Variants in NPHS1 observed in about 807,000 individuals in gnomAD.
NPHS1 encodes the protein nephrin.
A neutral mutation model predicts 139.7 loss-of-function variants in NPHS1; 107 were observed. The observed-to-expected ratio is 0.77, with a 90% CI of 0.66 to 0.90. NPHS1 has a LOEUF of 0.90. Ranked by LOEUF, NPHS1 falls within the 40% of genes least tolerant of loss-of-function variation. NPHS1 has a pLI of 0.00. For synonymous variants in NPHS1, 707 were observed against 706.6 expected, an observed-to-expected ratio of 1.00 and a Z score of -0.01; for missense variants, 1,580 against 1,654.2, an observed-to-expected ratio of 0.96 and a Z score of 0.78.
chr19:35,828,101 T>A (rs142756766), intron 28 of NPHS1, among the ~76,000 whole-genome samples: 1 of 151,626 alleles, frequency 6.6e-6, no homozygotes, highest in African/African-American at 2.4e-5. Context: ...AAAAAGAACA[T>A]GAATGGTAGC....
At position 35,851,515 on chromosome 19, in the gene NPHS1, G is replaced by T. The variant is rs764300734; in HGVS notation, c.216C>A (p.Gly72=). ...VQWAKDGLLL[G]PDPRIPGFPR... is the part of the protein sequence containing the mutation. ...GGAAGCCTGGGATCCTGGGGTCGGG[G>T]CCCAGGAGCAGCCCATCTTTGGCCC... Residue 72 remains glycine, a synonymous_variant, in exon 2 of 29, where the codon GGC becomes GGA. Transcript: ENST00000378910. 11 of 1,613,612 alleles carry T rather than the reference G, an allele frequency of 6.8e-6. No homozygotes were observed. The highest frequency in any genetic ancestry group is 4.0e-5 in the African/African-American group (3 of 74,920).
intron 19 of NPHS1, 86 bp downstream of exon 19, chr19:35,842,038 C>T: frequency 6.7e-7 from 1 of 1,494,196 alleles, no homozygotes; most frequent in African/African-American, 1.4e-5. Context: ...ATTCGTCTTC[C>T]TTCTCTGCAG....
chr19:35,843,176 A>T (rs546102511), intron 17 of NPHS1, among the ~76,000 whole-genome samples: 2 of 151,880 alleles, frequency 1.3e-5, no homozygotes, highest in South Asian at 4.2e-4. Context: ...CCATTTATCC[A>T]TCCTTTCACT....
chr19:35,848,330 A>G lies in NPHS1; in HGVS notation c.1238T>C (p.Leu413Pro), dbSNP rs1973174651. The G allele has an allele frequency of 3.1e-6, 5 of 1,614,054 alleles. No homozygotes were observed. The highest frequency in any genetic ancestry group is 4.2e-6 in the Non-Finnish European group (5 of 1,180,036). ...TFLARREDNG[L>P]TLTCEAFSEA... is the part of the protein sequence containing the mutation. ...ACTGAAGGCCTCACATGTGAGGGTCAGACCGTTGTCCTCCCGCCGCGCCAG... is the reference window on the plus strand; with the variant it reads ...ACTGAAGGCCTCACATGTGAGGGTCGGACCGTTGTCCTCCCGCCGCGCCAG... Residue 413 changes from leucine to proline, a missense_variant, in exon 10 of 29, where the codon CTG becomes CCG. Transcript: ENST00000378910.
At chr19:35,839,130 T>C (rs1973017228) in intron 22 of NPHS1, 107 bp downstream of exon 22, 1 of 1,074,452 alleles carries the variant, frequency 9.3e-7, no homozygotes, top group Non-Finnish European at 1.4e-6. Context: ...GCTTAACAGC[T>C]ATAGGCCTCA....
At chr19:35,840,397 C>A (rs562811620) in intron 20 of NPHS1, among the ~76,000 whole-genome samples, 59 of 150,416 alleles carry the variant, frequency 3.9e-4, no homozygotes, top group Non-Finnish European at 8.1e-4. Flanking sequence ...TGCAGTGGTG[C>A]GATCTTGACT....
Position 35,848,272 on chromosome 19 carries a change from C to A in NPHS1, c.1296G>T (p.Ser432=), listed in dbSNP as rs766646699. 5 of 1,613,966 alleles carry A rather than the reference C, an allele frequency of 3.1e-6. No individual in the cohort carries two copies. The Admixed American group carries it at 8.3e-5, about 27-fold the overall frequency. The change falls in exon 10 of 29, where the codon TCG becomes TCT. Residue 432 remains serine, a synonymous_variant. Coordinates refer to ENST00000378910, the MANE Select transcript of NPHS1 (RefSeq NM_004646.4). ...GCTCACATTTTACGTTCAGGATGAG[C>A]GACTTCTTGAAGGTCTCCTTGGTGA... ...EAFTKETFKK[S]LILNVKYPAQ...
chr19:35,831,730 AC>A lies in NPHS1; in HGVS notation c.3198del (p.Phe1067SerfsTer76). ...GPSGLPLLPVLFALGGLLLLS... is the reference protein window; with the variant it reads ...GPSGLPLLPVXFALGGLLLLS... ...AGGAGCAGAAGCCCCCCAAGAGCGA[AC>A]AGCACAGGCAGCAGGGGCAGCCCCG... On this transcript the variant is annotated frameshift_variant, in exon 24 of 29. Transcript: ENST00000378910. LOFTEE classifies it high-confidence loss of function. The A allele has an allele frequency of 6.3e-7, 1 of 1,587,392 alleles. No homozygotes were observed. The highest frequency in any genetic ancestry group is 1.1e-5 in the South Asian group (1 of 87,712).
chr19:35,835,800 A>T (rs745436615), intron 22 of NPHS1, 39 bp from the exon 23 acceptor site: 1 of 1,553,176 alleles, frequency 6.4e-7, no homozygotes, highest in Non-Finnish European at 8.9e-7. Context: ...TAACACTAAG[A>T]ATCTGAGATA....
Position 35,851,482 on chromosome 19 carries a change from G to GT in NPHS1, c.248dup (p.Tyr83Ter), listed in dbSNP as rs386833914. ...CTCTAGCAGGGTCCCCTTCCAGGCG[G>GT]TACCTCGGGAAGCCTGGGATCCTGG... ...PDPRIPGFPR[Y>*]RLEGDPARGE... Residue 83 changes from tyrosine (Y) to a stop codon, truncating the protein, a stop_gained and frameshift_variant, in exon 2 of 29, where the codon TAC becomes TAAC. Transcript: ENST00000378910. LOFTEE classifies it high-confidence loss of function. The GT allele has an allele frequency of 6.2e-7, 1 of 1,613,590 alleles. No homozygotes were observed. Among genetic ancestry groups the GT allele is most frequent in the Non-Finnish European group, 8.5e-7 (1 of 1,179,974 alleles).
At position 35,848,388 on chromosome 19, in the gene NPHS1, C is replaced by T; in HGVS notation, c.1180G>A (p.Gly394Ser). Residue 394 changes from glycine (G) to serine (S), a missense_variant, in exon 10 of 29, where the codon GGC becomes AGC. Physicochemically the swap from Gly to Ser is moderately conservative, Grantham distance 56. Coordinates refer to ENST00000378910, the MANE Select transcript of NPHS1 (RefSeq NM_004646.4). ...MEETVMDGLHGGHISMSNLTF... is the reference protein window; with the variant it reads ...MEETVMDGLHSGHISMSNLTF... ...AGGTTGGACATGGAGATGTGACCGC[C>T]ATGCAGTCCCTGGCAGGGAGTGAGC... is the stretch of plus-strand genomic sequence containing the variant. 1 of 1,614,152 alleles carries T rather than the reference C, an allele frequency of 6.2e-7. No individual in the cohort carries two copies. Among genetic ancestry groups the T allele is most frequent in the East Asian group, 2.2e-5 (1 of 44,874 alleles).
intron 20 of NPHS1, 82 bp downstream of exon 20, chr19:35,841,633 T>C (rs1040286981): frequency 6.5e-7 from 1 of 1,548,132 alleles, no homozygotes; most frequent in Non-Finnish European, 8.9e-7. Flanking sequence ...TTCAGAAACA[T>C]GGGCAGCCCA....
At position 35,842,543 on chromosome 19, in the gene NPHS1, T is replaced by A; in HGVS notation, c.2342A>T (p.Asp781Val). The change falls in exon 18 of 29, where the codon GAT becomes GTT. Residue 781 changes from aspartate (D) to valine (V), a missense_variant. Coordinates refer to ENST00000378910, the MANE Select transcript of NPHS1 (RefSeq NM_004646.4). ...GTCATCCAGGCTCTGGTCCTCCTCA[T>A]CTTCTCCCTGGAGGCCCAAGAGTCC... ...GMFNWERLGE[D>V]EEDQSLDDME... The A allele has an allele frequency of 3.7e-6, 6 of 1,614,052 alleles. No individual in the cohort carries two copies. Among genetic ancestry groups the A allele is most frequent in the Non-Finnish European group, 5.1e-6 (6 of 1,179,980 alleles).
intron 8 of NPHS1, 48 bp downstream of exon 8, chr19:35,848,928 T>G (rs1295054072): frequency 1.2e-6 from 2 of 1,611,226 alleles, no homozygotes; most frequent in Non-Finnish European, 1.7e-6. Flanking sequence ...ACACAGATGG[T>G]TCTCTGAGGC....
intron 23 of NPHS1, among the ~76,000 whole-genome samples, chr19:35,835,169 C>T (rs1383992284): frequency 7.3e-6 from 1 of 137,142 alleles, no homozygotes; most frequent in Non-Finnish European, 1.5e-5. Flanking sequence ...CACTTCACTC[C>T]AGCCTGGGCA....
At chr19:35,848,506 T>C (rs1599845047) in intron 9 of NPHS1, 109 bp from the exon 10 acceptor site, 1 of 1,578,976 alleles carries the variant, frequency 6.3e-7, no homozygotes, top group Non-Finnish European at 8.6e-7. Flanking sequence ...CATCTCTACC[T>C]CCCCCTCTGT....
intron 22 of NPHS1, among the ~76,000 whole-genome samples, chr19:35,837,068 AAG>A (rs772044078): frequency 2.4e-4 from 34 of 140,784 alleles, no homozygotes; most frequent in African/African-American, 8.3e-4. Context: ...GAAAGAAAGA[AAG>A]AAAAATAAAC....
At chr19:35,834,054 C>CT (rs35134853) in intron 23 of NPHS1, among the ~76,000 whole-genome samples, 1 of 149,416 alleles carries the variant, frequency 6.7e-6, no homozygotes, top group Non-Finnish European at 1.5e-5. Context: ...CACTTGCAAC[C>CT]TTTTTCTCGG....
In NPHS1 at chr19:35,846,103, C is replaced by T. The variant is rs757235010; in HGVS notation, c.1532G>A (p.Arg511Gln). ...CGGCCCTGTGACCAGCACCAGCTCTCGGGAGAAGGTGCTCCCAGATTTCTC... is the reference window on the plus strand; with the variant it reads ...CGGCCCTGTGACCAGCACCAGCTCTTGGGAGAAGGTGCTCCCAGATTTCTC... Reference protein sequence around the residue: ...SVEKSGSTFSRELVLVTGPSD... With the variant: ...SVEKSGSTFSQELVLVTGPSD... The change falls in exon 12 of 29, where the codon CGA becomes CAA. Residue 511 changes from arginine to glutamine, a missense_variant. Arg to Gln is a conservative substitution (Grantham distance 43). Transcript: ENST00000378910. 5 of 1,596,582 alleles carry T rather than the reference C, an allele frequency of 3.1e-6. No individual in the cohort carries two copies. Among genetic ancestry groups the T allele is most frequent in the Non-Finnish European group, 4.3e-6 (5 of 1,172,320 alleles).
Sources: gnomAD v4.1 joint callset for allele counts (sites outside exome capture counted in the v4.1 genomes callset) on GRCh38, gnomAD v4.1.1 for gene constraint, MANE v1.5 for transcripts, NCBI Gene and HGNC (gene_info 2026-07-23, HGNC 2026-07-21) for gene names.